EFNB2: variants seen among roughly 807,000 people sequenced by gnomAD.
EFNB2 encodes ephrin-B2.
In EFNB2, 5 loss-of-function variants were observed where a neutral mutation model predicts 32.1. The observed-to-expected ratio is 0.16, with a 90% CI of 0.08 to 0.33. The LOEUF is 0.33. Among genes scored for constraint, EFNB2 ranks in the 10% least tolerant of loss-of-function variants. The pLI, the probability that EFNB2 is intolerant of heterozygous loss-of-function variation, is 1.00. For synonymous variants in EFNB2, 168 were observed against 166.5 expected, an observed-to-expected ratio of 1.01 and a Z score of -0.07; for missense variants, 263 against 422.6, an observed-to-expected ratio of 0.62 and a Z score of 3.31.
intron 1 of EFNB2, among the ~76,000 whole-genome samples, chr13:106,532,264 C>T (rs1232978561): frequency 6.6e-6 from 1 of 152,118 alleles, no homozygotes; most frequent in Non-Finnish European, 1.5e-5. Context: ...GCTGAATTTA[C>T]AAAGGGTTTT....
In EFNB2 at chr13:106,491,217, A is replaced by G. The variant is rs532770826; in HGVS notation, c.*1823T>C. On this transcript the variant is annotated 3_prime_UTR_variant, in exon 5 of 5. Coordinates refer to ENST00000646441, the MANE Select transcript of EFNB2 (RefSeq NM_004093.4). Reference sequence around the variant, plus strand: ...GAAATAAACGCCGGAACATCTTGTCATTGTTAAATATATGATGCAGTCACA... The same window carrying G: ...GAAATAAACGCCGGAACATCTTGTCGTTGTTAAATATATGATGCAGTCACA... The G allele has an allele frequency of 5.9e-5, 9 of 152,642 alleles. No homozygotes were observed. The highest frequency in any genetic ancestry group is 1.9e-4 in the East Asian group (1 of 5,164). The allele number at this position is 152,642 out of a possible 1,614,324, so 9.5% of individuals were successfully genotyped here. A position where few individuals can be genotyped will look rare whatever the true frequency, so the allele number is the denominator to read the frequency against.
intron 2 of EFNB2, among the ~76,000 whole-genome samples, chr13:106,499,584 C>T (rs1466445302): frequency 6.6e-6 from 1 of 152,100 alleles, no homozygotes; most frequent in African/African-American, 2.4e-5. Context: ...TTTCTATCAG[C>T]GTGATCTAAT....
At position 106,490,650 on chromosome 13, in the gene EFNB2, T is replaced by G. The variant is rs184915582; in HGVS notation, c.*2390A>C. 2 of 152,046 alleles carry G rather than the reference T, an allele frequency of 1.3e-5. No homozygotes were observed. Among genetic ancestry groups the G allele is most frequent in the African/African-American group, 4.8e-5 (2 of 41,390 alleles). The allele number at this position is 152,046 out of a possible 1,614,324, so 9.4% of individuals were successfully genotyped here. On this transcript the variant is annotated 3_prime_UTR_variant, in exon 5 of 5. Transcript: ENST00000646441. ...TGATGGCTTACAAGAAACTCTTGCA[T>G]GAATGCACAGAAAGGAGAGGTTGGG...
At position 106,518,648 on chromosome 13, in the gene EFNB2, G is replaced by C. The variant is rs1879396335; in HGVS notation, c.123-5836C>G. 6.6e-6 allele frequency: 1 copy of C among 152,194 alleles called. No homozygotes were observed. Among genetic ancestry groups the C allele is most frequent in the African/African-American group, 2.4e-5 (1 of 41,422 alleles). The allele number at this position is 152,194 out of a possible 1,614,324, so 9.4% of individuals were successfully genotyped here. A position where few individuals can be genotyped will look rare whatever the true frequency, so the allele number is the denominator to read the frequency against. ...AAATGGACGGAGGCAGTGGTCGCCTGATCTATTTCTGCACTTTGCCCAGTG... is the reference window on the plus strand; with the variant it reads ...AAATGGACGGAGGCAGTGGTCGCCTCATCTATTTCTGCACTTTGCCCAGTG... On this transcript the variant is annotated intron_variant, in intron 1 of 4. Transcript: ENST00000646441. The surrounding 1 kb of genome is among the most constrained non-coding windows in gnomAD (Gnocchi z 4.1).
At chr13:106,501,686 A>G (rs568867174) in intron 2 of EFNB2, among the ~76,000 whole-genome samples, 5 of 150,798 alleles carry the variant, frequency 3.3e-5, no homozygotes, top group South Asian at 2.1e-4. Context: ...TCTGCCTCCC[A>G]GGTTCACGCC....
chr13:106,515,006 T>G (rs1051127106), intron 1 of EFNB2, among the ~76,000 whole-genome samples: 1 of 152,162 alleles, frequency 6.6e-6, no homozygotes, highest in African/African-American at 2.4e-5. Flanking sequence ...CCTTCTTCAT[T>G]CAAAATGCTC....
At chr13:106,502,548 A>G (rs547514878) in intron 2 of EFNB2, among the ~76,000 whole-genome samples, 139 of 152,302 alleles carry the variant, frequency 9.1e-4, no homozygotes, top group Non-Finnish European at 1.5e-3. Context: ...CTACTTGGGA[A>G]GAGAAAGGAT....
intron 2 of EFNB2, among the ~76,000 whole-genome samples, chr13:106,497,707 C>T (rs574654017): frequency 6.6e-6 from 1 of 152,158 alleles, no homozygotes; most frequent in South Asian, 2.1e-4. Flanking sequence ...CACCTCACGA[C>T]AGGCCCCGGT....
intron 2 of EFNB2, among the ~76,000 whole-genome samples, chr13:106,497,462 T>TA (rs34126138): frequency 0.81 from 118,785 of 146,966 alleles, 48,449 homozygotes; most frequent in East Asian, 0.99. Context: ...GCAGACAGCT[T>TA]AAAAAAAAAA....
rs144654285 is a variant in EFNB2 at position 106,490,683 on chromosome 13, A to T, written c.*2357T>A. Reference sequence around the variant, plus strand: ...CAGAAAGGAGAGGTTGGGGTGATGGAAAGAATTACATATGTACTGTGGCTG... The same window carrying T: ...CAGAAAGGAGAGGTTGGGGTGATGGTAAGAATTACATATGTACTGTGGCTG... On this transcript the variant is annotated 3_prime_UTR_variant, in exon 5 of 5. Transcript: ENST00000646441. 5 of 152,214 alleles carry T rather than the reference A, an allele frequency of 3.3e-5. No individual in the cohort carries two copies. The East Asian group carries it at 9.7e-4, about 29-fold the overall frequency. The allele number at this position is 152,214 out of a possible 1,614,324, so 9.4% of individuals were successfully genotyped here.
At chr13:106,531,807 C>T (rs1159020186) in intron 1 of EFNB2, among the ~76,000 whole-genome samples, 3 of 152,124 alleles carry the variant, frequency 2.0e-5, no homozygotes, top group Admixed American at 2.0e-4. Context: ...TGTTAACTAA[C>T]TAGTATGTGA....
intron 2 of EFNB2, among the ~76,000 whole-genome samples, chr13:106,496,529 T>C (rs1226231110): frequency 1.3e-5 from 2 of 152,230 alleles, no homozygotes; most frequent in African/African-American, 4.8e-5. Flanking sequence ...TCTGGCTGAA[T>C]AGAGGGTTCA....
intron 1 of EFNB2, among the ~76,000 whole-genome samples, chr13:106,513,259 G>A (rs1879203950): frequency 6.6e-6 from 1 of 152,138 alleles, no homozygotes; most frequent in South Asian, 2.1e-4. Flanking sequence ...ATACTTTGTT[G>A]TCCTGTTAGT....
chr13:106,504,916 T>C (rs1178695636), intron 2 of EFNB2, among the ~76,000 whole-genome samples: 1 of 152,102 alleles, frequency 6.6e-6, no homozygotes, highest in Admixed American at 6.5e-5. Flanking sequence ...CTTGCTAACA[T>C]AAAAACACAA....
chr13:106,491,380 C>G lies in EFNB2; in HGVS notation c.*1660G>C, dbSNP rs1286808012. On this transcript the variant is annotated 3_prime_UTR_variant, in exon 5 of 5. Coordinates refer to ENST00000646441, the MANE Select transcript of EFNB2 (RefSeq NM_004093.4). ...TGTTGTTTTTCCCAGAAGTAGCTGT[C>G]CAATTTGTTTTTTTAAGCGCTGAGC... 1 of 152,466 alleles carries G rather than the reference C, an allele frequency of 6.6e-6. No individual in the cohort carries two copies. Among genetic ancestry groups the G allele is most frequent in the Non-Finnish European group, 1.5e-5 (1 of 68,022 alleles). The allele number at this position is 152,466 out of a possible 1,614,324, so 9.4% of individuals were successfully genotyped here. A position where few individuals can be genotyped will look rare whatever the true frequency, so the allele number is the denominator to read the frequency against.
intron 2 of EFNB2, among the ~76,000 whole-genome samples, chr13:106,511,715 T>C (rs778774159): frequency 7.2e-5 from 11 of 152,146 alleles, no homozygotes; most frequent in Non-Finnish European, 1.6e-4. Context: ...GAAAAAAGAC[T>C]TCATTGCTTG....
chr13:106,534,818 T>G, intron 1 of EFNB2, 25 bp downstream of exon 1: 1 of 1,603,340 alleles, frequency 6.2e-7, no homozygotes, highest in Non-Finnish European at 8.5e-7. Context: ...GGCGGGGACA[T>G]AGGGGGATCG....
In EFNB2 at chr13:106,493,491, C is replaced by T; in HGVS notation, c.614-63G>A. On this transcript the variant is annotated intron_variant, in intron 4 of 4. Coordinates refer to ENST00000646441, the MANE Select transcript of EFNB2 (RefSeq NM_004093.4). The surrounding 1 kb of genome is among the most constrained non-coding windows in gnomAD (Gnocchi z 6.1). ...CTGCTGTCCCAGTGCAGACGGACTGCTTTTATGACCCTTAAAAATGTGAAA... is the reference window on the plus strand; with the variant it reads ...CTGCTGTCCCAGTGCAGACGGACTGTTTTTATGACCCTTAAAAATGTGAAA... 6.5e-7 allele frequency: 1 copy of T among 1,527,374 alleles called. No homozygotes were observed. Among genetic ancestry groups the T allele is most frequent in the Non-Finnish European group, 8.8e-7 (1 of 1,139,346 alleles). 94.6% of individuals were successfully genotyped at this position (1,527,374 alleles called of 1,614,324 possible). A position where few individuals can be genotyped will look rare whatever the true frequency, so the allele number is the denominator to read the frequency against.
At chr13:106,528,018 TAAC>T (rs1160908481) in intron 1 of EFNB2, among the ~76,000 whole-genome samples, 12 of 152,216 alleles carry the variant, frequency 7.9e-5, no homozygotes, top group Admixed American at 1.3e-4. Flanking sequence ...TGTTCCCTGT[TAAC>T]AAGCAAATAC....
Sources: allele counts gnomAD v4.1 joint callset (sites outside exome capture counted in the v4.1 genomes callset), GRCh38; gene constraint gnomAD v4.1.1; non-coding constraint Gnocchi (gnomAD v3.1); transcripts MANE v1.5; gene names NCBI Gene and HGNC (gene_info 2026-07-23, HGNC 2026-07-21).